The following NKAIN2 variants were observed in gnomAD, a reference collection of about 807,000 sequenced individuals.
The protein encoded by NKAIN2 is sodium/potassium-transporting ATPase subunit beta-1-interacting protein 2.
In NKAIN2, 14 loss-of-function variants were observed where a neutral mutation model predicts 32.6. The observed-to-expected ratio is 0.43, with a 90% CI of 0.28 to 0.67. The LOEUF (loss-of-function observed/expected upper bound fraction) is 0.67. Ranked by LOEUF, NKAIN2 falls within the 30% of genes least tolerant of loss-of-function variation. The pLI is 0.17. For synonymous variants in NKAIN2, 80 were observed against 87.2 expected (o/e 0.92, Z 0.46); for missense variants, 198 against 258.3 (o/e 0.77, Z 1.60).
At chr6:124,569,544 C>T (rs908299551) in intron 3 of NKAIN2, among the ~76,000 whole-genome samples, 4 of 152,212 alleles carry the variant, frequency 2.6e-5, no homozygotes, top group Middle Eastern at 6.8e-3. Context: ...ACTGGTCTTT[C>T]CCATGCTATT....
intron 3 of NKAIN2, among the ~76,000 whole-genome samples, chr6:124,427,690 G>A (rs1775039881): frequency 6.6e-6 from 1 of 151,968 alleles, no homozygotes; most frequent in Non-Finnish European, 1.5e-5. Context: ...ACCCCTTAGA[G>A]GTGCCTGAAA....
At chr6:124,443,006 C>T (rs1583260832) in intron 3 of NKAIN2, among the ~76,000 whole-genome samples, 1 of 152,196 alleles carries the variant, frequency 6.6e-6, no homozygotes, top group East Asian at 1.9e-4. Flanking sequence ...GCAGTATTCT[C>T]AAGTATGGAA....
chr6:124,644,863 G>C (rs578079680), intron 3 of NKAIN2, among the ~76,000 whole-genome samples: 12 of 152,142 alleles, frequency 7.9e-5, no homozygotes, highest in Admixed American at 3.3e-4. Flanking sequence ...ATATTTAAAA[G>C]GGGACTTCAA....
At chr6:124,787,451 G>A (rs545590951) in intron 4 of NKAIN2, among the ~76,000 whole-genome samples, 1 of 152,228 alleles carries the variant, frequency 6.6e-6, no homozygotes, top group African/African-American at 2.4e-5. Flanking sequence ...GAATGAGTTA[G>A]AATTACTCAT....
chr6:124,625,815 A>AAGTT (rs1272449283), intron 3 of NKAIN2, among the ~76,000 whole-genome samples: 2 of 152,028 alleles, frequency 1.3e-5, no homozygotes, highest in Admixed American at 6.6e-5. Context: ...TAAGGTCACA[A>AAGTT]AGTTAGAAGT....
intron 5 of NKAIN2, among the ~76,000 whole-genome samples, chr6:124,808,896 A>T (rs928395437): frequency 1.3e-5 from 2 of 152,166 alleles, no homozygotes; most frequent in Non-Finnish European, 2.9e-5. Context: ...CTTCAAAGAG[A>T]ATAAAATACC....
Position 124,269,790 on chromosome 6 carries a change from C to T in NKAIN2, c.55-13215C>T, listed in dbSNP as rs530979296. Among the ~76,000 whole-genome samples the T allele has an allele frequency of 5.3e-5, 8 of 152,110 alleles. No homozygotes were observed. The East Asian group carries it at 9.7e-4, about 18-fold the overall frequency. On this transcript the variant is annotated intron_variant, in intron 1 of 6. Coordinates refer to ENST00000368417, the MANE Select transcript of NKAIN2 (RefSeq NM_001040214.3). ...GCCTCTAGTTGCAATTTCTGAGATA[C>T]TGACTCCCACAGAGACTGCCAGTAC... is the stretch of plus-strand genomic sequence containing the variant.
chr6:124,599,994 T>G (rs1031881), intron 3 of NKAIN2, among the ~76,000 whole-genome samples: 26,413 of 151,990 alleles, frequency 0.17, 2,487 homozygotes, highest in Middle Eastern at 0.26. Flanking sequence ...CAGTTAAGGT[T>G]TCCAGAGCTC....
intron 4 of NKAIN2, among the ~76,000 whole-genome samples, chr6:124,773,796 G>A (rs1473350329): frequency 6.6e-6 from 1 of 152,140 alleles, no homozygotes; most frequent in East Asian, 1.9e-4. Flanking sequence ...CAAGAAAGGT[G>A]CAATTTAAAA....
intron 1 of NKAIN2, among the ~76,000 whole-genome samples, chr6:123,894,519 A>C (rs1039065766): frequency 6.6e-6 from 1 of 152,122 alleles, no homozygotes; most frequent in Non-Finnish European, 1.5e-5. Context: ...GATCTGTAAA[A>C]CCTGAGAAGC....
At chr6:124,537,106 C>T (rs1047128368) in intron 3 of NKAIN2, among the ~76,000 whole-genome samples, 1 of 152,158 alleles carries the variant, frequency 6.6e-6, no homozygotes, top group Non-Finnish European at 1.5e-5. Flanking sequence ...TTTCTACCAT[C>T]GTCTTCAAAG....
At chr6:124,016,419 CA>C (rs1179735402) in intron 1 of NKAIN2, among the ~76,000 whole-genome samples, 1 of 152,122 alleles carries the variant, frequency 6.6e-6, no homozygotes, top group East Asian at 1.9e-4. Context: ...CTGCTTTCTC[CA>C]AAAGCAGTGA....
At chr6:123,989,254 A>G (rs1044174336) in intron 1 of NKAIN2, among the ~76,000 whole-genome samples, 1 of 152,174 alleles carries the variant, frequency 6.6e-6, no homozygotes, top group African/African-American at 2.4e-5. Flanking sequence ...GTGGTTTACA[A>G]TTCTCTACTT....
intron 3 of NKAIN2, among the ~76,000 whole-genome samples, chr6:124,518,115 T>C (rs1485404252): frequency 6.6e-6 from 1 of 152,002 alleles, no homozygotes; most frequent in Non-Finnish European, 1.5e-5. Flanking sequence ...CTAAGATTTT[T>C]TAAAAAAAGG....
rs1195665950 is a variant in NKAIN2 at position 123,938,903 on chromosome 6, A to G, written c.54+134649A>G. Among the ~76,000 whole-genome samples, 5 of 151,774 alleles carry G rather than the reference A, an allele frequency of 3.3e-5. No homozygotes were observed. In the South Asian group the frequency reaches 8.3e-4, roughly 25 times the overall value. ...TAAGCAACAGTCATTAATCTTGCCT[A>G]GAATATTCAAAGAGCATGGTAAAGT... On this transcript the variant is annotated intron_variant, in intron 1 of 6. Transcript: ENST00000368417.
chr6:124,073,439 A>G (rs117836886), intron 1 of NKAIN2, among the ~76,000 whole-genome samples: 4,103 of 152,260 alleles, frequency 0.027, 75 homozygotes, highest in Admixed American at 0.044. Context: ...TTATTGTATA[A>G]TTTATTAATG....
At chr6:124,767,004 C>T (rs1188349010) in intron 4 of NKAIN2, among the ~76,000 whole-genome samples, 1 of 152,128 alleles carries the variant, frequency 6.6e-6, no homozygotes. Context: ...AAGCAATTCT[C>T]CTGCCTCAGC....
intron 3 of NKAIN2, among the ~76,000 whole-genome samples, chr6:124,438,982 C>T (rs1775577350): frequency 6.6e-6 from 1 of 152,128 alleles, no homozygotes; most frequent in Non-Finnish European, 1.5e-5. Flanking sequence ...TGATCTCATC[C>T]ATATATGGAG....
chr6:124,696,683 T>A (rs1019977101), intron 4 of NKAIN2, among the ~76,000 whole-genome samples: 1 of 152,166 alleles, frequency 6.6e-6, no homozygotes, highest in Non-Finnish European at 1.5e-5. Context: ...CAAGCATGTT[T>A]AGGTGTCTTC....
Sources: gnomAD v4.1 joint callset for allele counts (sites outside exome capture counted in the v4.1 genomes callset) on GRCh38, gnomAD v4.1.1 for gene constraint, MANE v1.5 for transcripts, NCBI Gene and HGNC (gene_info 2026-07-23, HGNC 2026-07-21) for gene names.